The following EFHD1 variants were observed in gnomAD, a reference collection of about 807,000 sequenced individuals.
EFHD1 encodes the protein EF-hand domain family member D1, also known as EF-hand domain-containing protein D1.
Under a neutral mutation model 17.2 loss-of-function variants are expected in EFHD1, and 10 were observed. That is an observed-to-expected ratio of 0.58 (90% CI 0.36 to 0.99). EFHD1 has a LOEUF of 0.99. EFHD1 is among the 50% of genes least tolerant of loss of function. The pLI, the probability that EFHD1 is intolerant of heterozygous loss-of-function variation, is 0.01. For synonymous variants in EFHD1, 153 were observed against 142.0 expected, an observed-to-expected ratio of 1.08 and a Z score of -0.55; for missense variants, 310 against 327.5, an observed-to-expected ratio of 0.95 and a Z score of 0.41.
chr2:232,652,354 A>G (rs1694673035), intron 1 of EFHD1, among the ~76,000 whole-genome samples: 1 of 152,134 alleles, frequency 6.6e-6, no homozygotes, highest in Non-Finnish European at 1.5e-5. Flanking sequence ...TGACCTGGAC[A>G]TGGGGACACT....
chr2:232,664,207 C>G (rs1694926920), intron 2 of EFHD1, among the ~76,000 whole-genome samples: 1 of 151,794 alleles, frequency 6.6e-6, no homozygotes, highest in Admixed American at 6.6e-5. Flanking sequence ...GGCATGATCA[C>G]AGCTCACTGC....
chr2:232,635,534 G>A (rs1161330201), intron 1 of EFHD1, among the ~76,000 whole-genome samples: 1 of 152,108 alleles, frequency 6.6e-6, no homozygotes, highest in South Asian at 2.1e-4. Flanking sequence ...TCACGCAAAG[G>A]GGAGCCGGGC....
intron 1 of EFHD1, among the ~76,000 whole-genome samples, chr2:232,618,742 GA>G (rs1693969097): frequency 3.3e-5 from 4 of 119,592 alleles, no homozygotes; most frequent in Admixed American, 2.6e-4. Flanking sequence ...AAAAAATTTT[GA>G]AAAAAGGGAA....
At chr2:232,615,314 TG>T (rs1233877163) in intron 1 of EFHD1, among the ~76,000 whole-genome samples, 2 of 116,718 alleles carry the variant, frequency 1.7e-5, no homozygotes, top group Non-Finnish European at 4.0e-5. Context: ...TCAACTATAG[TG>T]TGTGTGTGTG....
At chr2:232,613,623 C>T (rs113929541) in intron 1 of EFHD1, among the ~76,000 whole-genome samples, 14,217 of 103,088 alleles carry the variant, frequency 0.14, 874 homozygotes, top group African/African-American at 0.23. Context: ...CACACACACA[C>T]ACACACACAT....
At chr2:232,678,984 T>C (rs1695227555) in intron 3 of EFHD1, among the ~76,000 whole-genome samples, 1 of 152,168 alleles carries the variant, frequency 6.6e-6, no homozygotes, top group African/African-American at 2.4e-5. Flanking sequence ...GTTCATAATG[T>C]GATGACTAGG....
At chr2:232,662,766 C>G (rs1184617793) in intron 1 of EFHD1, 36 bp from the exon 2 acceptor site, 4 of 1,553,100 alleles carry the variant, frequency 2.6e-6, no homozygotes, top group Non-Finnish European at 3.5e-6. Flanking sequence ...AACGAGTGTC[C>G]TTTCATCCCG....
At chr2:232,654,999 C>T (rs537440757) in intron 1 of EFHD1, among the ~76,000 whole-genome samples, 4 of 152,310 alleles carry the variant, frequency 2.6e-5, no homozygotes, top group African/African-American at 7.2e-5. Flanking sequence ...CTCCCTTACT[C>T]GCTTCACTCT....
At chr2:232,670,401 AT>A (rs1695044829) in intron 2 of EFHD1, among the ~76,000 whole-genome samples, 1 of 152,056 alleles carries the variant, frequency 6.6e-6, no homozygotes, top group Non-Finnish European at 1.5e-5. Context: ...AGATCGAGCC[AT>A]TGCACTCCAG....
intron 2 of EFHD1, among the ~76,000 whole-genome samples, 186 bp downstream of exon 2, chr2:232,663,135 A>T (rs181613117): frequency 4.6e-5 from 7 of 152,344 alleles, no homozygotes; most frequent in African/African-American, 1.7e-4. Flanking sequence ...TGGAAAAAGC[A>T]GCATGGGTAG....
intron 1 of EFHD1, among the ~76,000 whole-genome samples, chr2:232,613,184 G>T (rs944921951): frequency 6.6e-6 from 1 of 151,828 alleles, no homozygotes; most frequent in Non-Finnish European, 1.5e-5. Flanking sequence ...AGCACTTTGG[G>T]AGGCCGACGT....
intron 2 of EFHD1, among the ~76,000 whole-genome samples, chr2:232,667,104 C>G (rs2106213965): frequency 6.6e-6 from 1 of 152,288 alleles, no homozygotes; most frequent in East Asian, 1.9e-4. Flanking sequence ...TCTTGCACTT[C>G]CAGCTTCTGA....
intron 1 of EFHD1, among the ~76,000 whole-genome samples, chr2:232,634,729 C>A (rs1694285627): frequency 6.6e-6 from 1 of 152,232 alleles, no homozygotes; most frequent in Non-Finnish European, 1.5e-5. Flanking sequence ...CCCACTAGTC[C>A]ACCTCGTCGC....
chr2:232,606,346 C>T (rs1308310122), intron 1 of EFHD1, among the ~76,000 whole-genome samples: 1 of 152,224 alleles, frequency 6.6e-6, no homozygotes, highest in Non-Finnish European at 1.5e-5. Flanking sequence ...ATCGGCTGGG[C>T]TTTTAAGCCT....
chr2:232,679,117 C>A (rs1695229368), intron 3 of EFHD1, among the ~76,000 whole-genome samples: 1 of 151,866 alleles, frequency 6.6e-6, no homozygotes, highest in Non-Finnish European at 1.5e-5. Context: ...GCTTAAGGGG[C>A]CAAATGGGAA....
chr2:232,611,311 G>A (rs1350119236), intron 1 of EFHD1, among the ~76,000 whole-genome samples: 3 of 151,978 alleles, frequency 2.0e-5, no homozygotes, highest in Non-Finnish European at 4.4e-5. Context: ...GGGGGTCGGG[G>A]GGGGGGCATC....
chr2:232,621,639 A>G (rs1694020478), intron 1 of EFHD1, among the ~76,000 whole-genome samples: 2 of 151,988 alleles, frequency 1.3e-5, no homozygotes, highest in Admixed American at 1.3e-4. Flanking sequence ...TTTAGTAGAG[A>G]CGGGGTTTCA....
intron 1 of EFHD1, among the ~76,000 whole-genome samples, chr2:232,623,588 C>T (rs62191633): frequency 0.27 from 39,435 of 147,280 alleles, 6,659 homozygotes; most frequent in Middle Eastern, 0.43. Context: ...ACAGGAGAAT[C>T]GCTTGAACCC....
At chr2:232,629,043 G>A (rs556352926), upstream of EFHD1, among the ~76,000 whole-genome samples, 7 of 152,306 alleles carry the variant, frequency 4.6e-5, no homozygotes, top group African/African-American at 1.7e-4. Flanking sequence ...CGGATCCTGG[G>A]ACATGTGAGG....
Sources: gnomAD v4.1 joint callset for allele counts (sites outside exome capture counted in the v4.1 genomes callset) on GRCh38, gnomAD v4.1.1 for gene constraint, MANE v1.5 for transcripts, NCBI Gene and HGNC (gene_info 2026-07-23, HGNC 2026-07-21) for gene names.